PCARE: variants seen among roughly 807,000 people sequenced by gnomAD.
The protein encoded by PCARE is photoreceptor cilium actin regulator.
Under a neutral mutation model 82.2 loss-of-function variants are expected in PCARE, and 72 were observed. The observed-to-expected ratio is 0.88, with a 90% CI of 0.72 to 1.07. The LOEUF (loss-of-function observed/expected upper bound fraction) is 1.07. Among genes scored for constraint, PCARE ranks in the 50% least tolerant of loss-of-function variants. The pLI, the probability that PCARE is intolerant of heterozygous loss-of-function variation, is 0.00. For missense variants in PCARE, 1,768 were observed against 1,592.4 expected (o/e 1.11, Z -1.88); for synonymous variants, 705 against 634.8 (o/e 1.11, Z -1.66).
chr2:29,067,853 T>C (rs1298737864), intron 1 of PCARE, among the ~76,000 whole-genome samples: 1 of 152,170 alleles, frequency 6.6e-6, no homozygotes, highest in East Asian at 1.9e-4. Flanking sequence ...CCGTCCTCTC[T>C]CTTTCAAGCC....
chr2:29,064,867 T>C lies in PCARE; in HGVS notation c.*2A>G. ...CGTGAGTGTGGCCCCCTCGTCAGCC[T>C]GTCAGGACACCTCCTCTTGCTGGGG... On this transcript the variant is annotated 3_prime_UTR_variant, in exon 2 of 2. Coordinates refer to ENST00000331664, the MANE Select transcript of PCARE (RefSeq NM_001029883.3). The C allele has an allele frequency of 6.2e-7, 1 of 1,610,970 alleles. No homozygotes were observed. Among genetic ancestry groups the C allele is most frequent in the Non-Finnish European group, 8.5e-7 (1 of 1,179,948 alleles).
In PCARE at chr2:29,070,829, G is replaced by T; in HGVS notation, c.3433C>A (p.Pro1145Thr). 1.2e-6 allele frequency: 2 copies of T among 1,614,126 alleles called. No homozygotes were observed. The highest frequency in any genetic ancestry group is 1.7e-6 in the Non-Finnish European group (2 of 1,180,048). The change falls in exon 1 of 2, where the codon CCA becomes ACA. Residue 1145 changes from proline to threonine, a missense_variant. By Grantham distance (38) the Pro-to-Thr change is conservative. Coordinates refer to ENST00000331664, the MANE Select transcript of PCARE (RefSeq NM_001029883.3). ...PPLSTAHPLT[P>T]PSLPPEAGGP... Reference sequence around the variant, plus strand: ...CCAGCCTCTGGCGGCAGCGATGGTGGGGTCAGTGGGTGGGCTGTTGAGAGT... The same window carrying T: ...CCAGCCTCTGGCGGCAGCGATGGTGTGGTCAGTGGGTGGGCTGTTGAGAGT...
At chr2:29,070,121 T>C (rs1667446829) in intron 1 of PCARE, among the ~76,000 whole-genome samples, 1 of 152,198 alleles carries the variant, frequency 6.6e-6, no homozygotes, top group Admixed American at 6.5e-5. Flanking sequence ...TATATATATT[T>C]TTAAGTTCTG....
At position 29,072,425 on chromosome 2, in the gene PCARE, G is replaced by C. The variant is rs772325487; in HGVS notation, c.1837C>G (p.Arg613Gly). The C allele has an allele frequency of 2.5e-6, 4 of 1,614,144 alleles. No individual in the cohort carries two copies. Among genetic ancestry groups the C allele is most frequent in the Non-Finnish European group, 3.4e-6 (4 of 1,180,026 alleles). The change falls in exon 1 of 2, where the codon CGA becomes GGA. Residue 613 changes from arginine (R) to glycine (G), a missense_variant. By Grantham distance (125) the Arg-to-Gly change is moderately radical. Transcript: ENST00000331664. ...HVEDPTFQELRRVQRDLSQKL... is the reference protein window; with the variant it reads ...HVEDPTFQELGRVQRDLSQKL... ...TGACTGAGGTCCCTCTGGACCCTTC[G>C]CAGCTCCTGAAAGGTGGGGTCCTCC...
At position 29,070,729 on chromosome 2, in the gene PCARE, C is replaced by T. The variant is rs1409613535; in HGVS notation, c.3533G>A (p.Arg1178Lys). The T allele has an allele frequency of 6.2e-7, 1 of 1,614,136 alleles. No homozygotes were observed. Among genetic ancestry groups the T allele is most frequent in the Admixed American group, 1.7e-5 (1 of 60,022 alleles). ...AGGGTTGAGGGCACACAGAGCTGCTCTCCGCTGCGAGTCTGCTCTCAGCCA... is the reference window on the plus strand; with the variant it reads ...AGGGTTGAGGGCACACAGAGCTGCTTTCCGCTGCGAGTCTGCTCTCAGCCA... ...GPWLRADSQR[R>K]AALCALNPLP... The change falls in exon 1 of 2, where the codon AGA (arginine) becomes AAA (lysine). Residue 1178 changes from arginine to lysine, a missense_variant. By Grantham distance (26) the Arg-to-Lys change is conservative. Transcript: ENST00000331664.
In PCARE at chr2:29,074,029, A is replaced by G. The variant is rs1022137359; in HGVS notation, c.233T>C (p.Met78Thr). 4 of 1,614,056 alleles carry G rather than the reference A, an allele frequency of 2.5e-6. No individual in the cohort carries two copies. The highest frequency in any genetic ancestry group is 1.3e-5 in the African/African-American group (1 of 74,916). The change falls in exon 1 of 2, where the codon ATG becomes ACG. Residue 78 changes from methionine (M) to threonine (T), a missense_variant. Met to Thr is a moderately conservative substitution (Grantham distance 81). Coordinates refer to ENST00000331664, the MANE Select transcript of PCARE (RefSeq NM_001029883.3). ...QTTAKGLCQL[M>T]GDPASGKRKD... ...CCTTTTGCCTGAAGCAGGATCTCCC[A>G]TGAGCTGACAAAGACCTTTAGCTGT...
Position 29,071,366 on chromosome 2 carries a change from G to A in PCARE, c.2896C>T (p.Pro966Ser), listed in dbSNP as rs554397247. Residue 966 changes from proline to serine, a missense_variant, in exon 1 of 2, where the codon CCA (proline) becomes TCA (serine). Transcript: ENST00000331664. The part of the protein sequence containing the change: ...KAIAWHHSGP[P>S]SGQNRTSESS... ...TCTGAGGTCCTGTTTTGTCCAGATG[G>A]AGGGCCGGAGTGGTGCCAGGCGATG... 4 of 1,613,752 alleles carry A rather than the reference G, an allele frequency of 2.5e-6. No individual in the cohort carries two copies. In the East Asian group the frequency reaches 6.7e-5, roughly 27 times the overall value.
rs554958338 is a variant in PCARE at position 29,070,460 on chromosome 2, C to T, written c.3668+134G>A. 13 of 1,205,620 alleles carry T rather than the reference C, an allele frequency of 1.1e-5. No individual in the cohort carries two copies. In the South Asian group the frequency reaches 1.7e-4, roughly 15 times the overall value. The allele number at this position is 1,205,620 out of a possible 1,614,324, so 74.7% of individuals were successfully genotyped here. A position where few individuals can be genotyped will look rare whatever the true frequency, so the allele number is the denominator to read the frequency against. On this transcript the variant is annotated intron_variant, in intron 1 of 1. Transcript: ENST00000331664. ...GGGGGAGCTGGAACTGCCCCCTACACCTTTTTCCCAACTGCCTCTTCTCTT... is the reference window on the plus strand; with the variant it reads ...GGGGGAGCTGGAACTGCCCCCTACATCTTTTTCCCAACTGCCTCTTCTCTT...
At chr2:29,067,544 C>G (rs188700877) in intron 1 of PCARE, among the ~76,000 whole-genome samples, 1 of 152,156 alleles carries the variant, frequency 6.6e-6, no homozygotes, top group East Asian at 1.9e-4. Flanking sequence ...CCCTCTCTCT[C>G]TTTTTTTACA....
chr2:29,066,983 C>T (rs1045113332), intron 1 of PCARE, among the ~76,000 whole-genome samples: 13 of 152,232 alleles, frequency 8.5e-5, no homozygotes, highest in Admixed American at 2.6e-4. Context: ...AATTGAGCTT[C>T]CTGGGTAAGC....
Position 29,073,324 on chromosome 2 carries a change from G to T in PCARE, c.938C>A (p.Thr313Lys). ...GAGGCGTTCATCCACATTCCTTTTTGTGCTCAGCTTATTTTCCAAGTGGGT... is the reference window on the plus strand; with the variant it reads ...GAGGCGTTCATCCACATTCCTTTTTTTGCTCAGCTTATTTTCCAAGTGGGT... ...TATHLENKLS[T>K]KRNVDERLLR... The change falls in exon 1 of 2, where the codon ACA becomes AAA. Residue 313 changes from threonine (T) to lysine (K), a missense_variant. By Grantham distance (78) the Thr-to-Lys change is moderately conservative (BLOSUM62 -1). Transcript: ENST00000331664. 6.2e-7 allele frequency: 1 copy of T among 1,614,112 alleles called. No individual in the cohort carries two copies. Among genetic ancestry groups the T allele is most frequent in the Non-Finnish European group, 8.5e-7 (1 of 1,180,024 alleles).
In PCARE at chr2:29,073,803, CG is replaced by C. The variant is rs1381325040; in HGVS notation, c.458del (p.Thr153SerfsTer29). 20 of 1,614,098 alleles carry C rather than the reference CG, an allele frequency of 1.2e-5. No homozygotes were observed. Among genetic ancestry groups the C allele is most frequent in the Non-Finnish European group, 1.5e-5 (18 of 1,180,044 alleles). On this transcript the variant is annotated frameshift_variant, in exon 1 of 2. Coordinates refer to ENST00000331664, the MANE Select transcript of PCARE (RefSeq NM_001029883.3). LOFTEE classifies it high-confidence loss of function. ...SKWKRTAKCHTSSTQSHCYQT... is the reference protein window; with the variant it reads ...SKWKRTAKCHXSSTQSHCYQT... ...GGTAGCAGTGGCTCTGTGTGCTTGA[CG>C]TGTGACATTTTGCTGTCCTTTTCCA...
At chr2:29,067,443 C>A (rs192988127) in intron 1 of PCARE, among the ~76,000 whole-genome samples, 93 of 152,296 alleles carry the variant, frequency 6.1e-4, no homozygotes, top group African/African-American at 2.1e-3. Flanking sequence ...AGGCTTACAG[C>A]TGTGTGGTGT....
rs114556534 is a variant in PCARE at position 29,067,188 on chromosome 2, C to G, written c.3669-2121G>C. On this transcript the variant is annotated intron_variant, in intron 1 of 1. Coordinates refer to ENST00000331664, the MANE Select transcript of PCARE (RefSeq NM_001029883.3). ...CATGTCCGTGCTTGGGGAAACAGCCCGTTCTGAGCAGCCTCTGGCTTCCTG... is the reference window on the plus strand; with the variant it reads ...CATGTCCGTGCTTGGGGAAACAGCCGGTTCTGAGCAGCCTCTGGCTTCCTG... Among the ~76,000 whole-genome samples, 43 of 152,252 alleles carry G rather than the reference C, an allele frequency of 2.8e-4. 1 individual carries two copies. The East Asian group carries it at 7.0e-3, about 25-fold the overall frequency.
chr2:29,073,285 C>T lies in PCARE; in HGVS notation c.977G>A (p.Arg326Lys). Residue 326 changes from arginine (R) to lysine (K), a missense_variant, in exon 1 of 2, where the codon AGG (arginine) becomes AAG (lysine). Physicochemically the swap from Arg to Lys is conservative, Grantham distance 26. Transcript: ENST00000331664. ...NVDERLLRAL[R>K]QLESLASGCG... Reference sequence around the variant, plus strand: ...GCCACTCGCCAGGCTCTCTAGCTGCCTCAGAGCCCTCAGGAGGCGTTCATC... The same window carrying T: ...GCCACTCGCCAGGCTCTCTAGCTGCTTCAGAGCCCTCAGGAGGCGTTCATC... 6.2e-7 allele frequency: 1 copy of T among 1,614,170 alleles called. No homozygotes were observed. Among genetic ancestry groups the T allele is most frequent in the Non-Finnish European group, 8.5e-7 (1 of 1,180,022 alleles).
chr2:29,071,412 G>A lies in PCARE; in HGVS notation c.2850C>T (p.Leu950=). 6.2e-7 allele frequency: 1 copy of A among 1,613,636 alleles called. No individual in the cohort carries two copies. Among genetic ancestry groups the A allele is most frequent in the Non-Finnish European group, 8.5e-7 (1 of 1,179,948 alleles). The change falls in exon 1 of 2, where the codon CTC becomes CTT. Residue 950 remains leucine (L), a synonymous_variant. Transcript: ENST00000331664. ...TWSQAEKATS[L]YRQPRKAIAW... ...CGATGGCCTTCCGGGGCTGCCTGTAGAGGCTGGTGGCCTTCTCTGCCTGAC... is the reference window on the plus strand; with the variant it reads ...CGATGGCCTTCCGGGGCTGCCTGTAAAGGCTGGTGGCCTTCTCTGCCTGAC...
intron 1 of PCARE, among the ~76,000 whole-genome samples, chr2:29,069,588 T>C (rs2148414278): frequency 6.6e-6 from 1 of 152,198 alleles, no homozygotes; most frequent in Non-Finnish European, 1.5e-5. Flanking sequence ...TTGTGTATTA[T>C]TAGTACCTGG....
In PCARE at chr2:29,071,107, T is replaced by C; in HGVS notation, c.3155A>G (p.His1052Arg). 1 of 1,588,606 alleles carries C rather than the reference T, an allele frequency of 6.3e-7. No individual in the cohort carries two copies. Among genetic ancestry groups the C allele is most frequent in the African/African-American group, 1.4e-5 (1 of 72,104 alleles). ...PTTKRRTSPPHQPKLPNPPPE... is the reference protein window; with the variant it reads ...PTTKRRTSPPRQPKLPNPPPE... ...GGGAGGGTTGGGCAACTTGGGCTGGTGCGGTGGGGAAGTTCGCCGCTTTGT... is the reference window on the plus strand; with the variant it reads ...GGGAGGGTTGGGCAACTTGGGCTGGCGCGGTGGGGAAGTTCGCCGCTTTGT... Residue 1052 changes from histidine (H) to arginine (R), a missense_variant, in exon 1 of 2, where the codon CAC (histidine) becomes CGC (arginine). His to Arg is a conservative substitution (Grantham distance 29). Transcript: ENST00000331664.
In PCARE at chr2:29,074,133, C is replaced by A. The variant is rs781571282; in HGVS notation, c.129G>T (p.Leu43Phe). The part of the protein sequence containing the change: ...QGGSERGSIP[L>F]LVKNSTCYDA... Reference sequence around the variant, plus strand: ...CATAGCAGGTGGAGTTTTTAACCAGCAAAGGGATGGAACCTCTTTCACTTC... The same window carrying A: ...CATAGCAGGTGGAGTTTTTAACCAGAAAAGGGATGGAACCTCTTTCACTTC... The change falls in exon 1 of 2, where the codon TTG becomes TTT. Residue 43 changes from leucine (L) to phenylalanine (F), a missense_variant. Coordinates refer to ENST00000331664, the MANE Select transcript of PCARE (RefSeq NM_001029883.3). The A allele has an allele frequency of 2.5e-6, 4 of 1,613,892 alleles. No homozygotes were observed. Among genetic ancestry groups the A allele is most frequent in the Non-Finnish European group, 3.4e-6 (4 of 1,179,900 alleles).
Sources: allele counts gnomAD v4.1 joint callset (sites outside exome capture counted in the v4.1 genomes callset), GRCh38; gene constraint gnomAD v4.1.1; transcripts MANE v1.5; gene names NCBI Gene and HGNC (gene_info 2026-07-23, HGNC 2026-07-21).